RNF182: variants seen among roughly 807,000 people sequenced by gnomAD.
RNF182 encodes the protein ring finger protein 182.
Under a neutral mutation model 14.4 loss-of-function variants are expected in RNF182, and 15 were observed. The ratio of observed to expected loss-of-function variants is 1.04; its 90% CI spans 0.70 to 1.60. RNF182 has a LOEUF of 1.60. Ranked by LOEUF, RNF182 falls within the 40% of genes most tolerant of loss-of-function variation. RNF182 has a pLI of 0.00. For missense variants in RNF182, 268 were observed against 294.8 expected, an observed-to-expected ratio of 0.91 and a Z score of 0.67; for synonymous variants, 128 against 122.9, an observed-to-expected ratio of 1.04 and a Z score of -0.27.
chr6:13,941,597 G>A (rs1276861468), intron 1 of RNF182, among the ~76,000 whole-genome samples: 2 of 151,798 alleles, frequency 1.3e-5, no homozygotes, highest in Non-Finnish European at 2.9e-5. Context: ...TGTCCTATCT[G>A]TTCTTTGTTC....
intron 1 of RNF182, among the ~76,000 whole-genome samples, chr6:13,935,185 T>C (rs1759077126): frequency 6.6e-6 from 1 of 152,230 alleles, no homozygotes; most frequent in African/African-American, 2.4e-5. Context: ...TAGGAGCCAA[T>C]GTCAATAGTC....
chr6:13,965,783 G>A (rs1760008655), intron 1 of RNF182, among the ~76,000 whole-genome samples: 1 of 152,198 alleles, frequency 6.6e-6, no homozygotes, highest in South Asian at 2.1e-4. Context: ...CTTTAATTGG[G>A]TGCTGGGGCT....
chr6:13,973,101 G>A (rs1760235123), intron 1 of RNF182, among the ~76,000 whole-genome samples: 1 of 152,238 alleles, frequency 6.6e-6, no homozygotes, highest in East Asian at 1.9e-4. Context: ...TGACCTGGAT[G>A]TGAGACATGG....
chr6:13,950,782 C>T (rs1759570441), intron 1 of RNF182, among the ~76,000 whole-genome samples: 1 of 151,722 alleles, frequency 6.6e-6, no homozygotes, highest in African/African-American at 2.4e-5. Context: ...CAGGCATGAG[C>T]CACCACACCT....
In RNF182 at chr6:13,979,930, T is replaced by C. The variant is rs1217552859; in HGVS notation, c.*2067T>C. On this transcript the variant is annotated 3_prime_UTR_variant, in exon 3 of 3. Coordinates refer to ENST00000488300, the MANE Select transcript of RNF182 (RefSeq NM_152737.4). ...GAAAACTCTTCATGCTATTGAATGA[T>C]AAAAAGATAATGCTTTAATATTTTA... 1 of 166,940 alleles carries C rather than the reference T, an allele frequency of 6.0e-6. No individual in the cohort carries two copies. The highest frequency in any genetic ancestry group is 1.5e-5 in the Non-Finnish European group (1 of 68,092). 10.3% of individuals were successfully genotyped at this position (166,940 alleles called of 1,614,324 possible).
chr6:13,971,110 G>A lies in RNF182; in HGVS notation c.-366-3100G>A, dbSNP rs150126345. On this transcript the variant is annotated intron_variant, in intron 1 of 2. Transcript: ENST00000488300. Reference sequence around the variant, plus strand: ...CACTGTTTTTTCTTCCCTTCAAGGCGTCGGCTGTCCTGATGATATGATTTG... The same window carrying A: ...CACTGTTTTTTCTTCCCTTCAAGGCATCGGCTGTCCTGATGATATGATTTG... 3.4e-4 allele frequency among the ~76,000 whole-genome samples: 51 copies of A among 152,088 alleles called. 1 individual carries two copies. In the East Asian group the frequency reaches 7.4e-3, roughly 22 times the overall value.
chr6:13,945,036 G>C (rs1054141316), intron 1 of RNF182, among the ~76,000 whole-genome samples: 2 of 152,146 alleles, frequency 1.3e-5, no homozygotes, highest in Non-Finnish European at 1.5e-5. Flanking sequence ...CTAGAGATTT[G>C]CTTTCTTAGG....
At chr6:13,964,457 A>G (rs939302575) in intron 1 of RNF182, among the ~76,000 whole-genome samples, 1 of 152,148 alleles carries the variant, frequency 6.6e-6, no homozygotes, top group South Asian at 2.1e-4. Flanking sequence ...ATATTTGGGA[A>G]AAACTCCAGG....
intron 1 of RNF182, among the ~76,000 whole-genome samples, chr6:13,973,197 ATGGG>A (rs1396100306): frequency 6.6e-6 from 1 of 152,152 alleles, no homozygotes; most frequent in African/African-American, 2.4e-5. Context: ...CCCATTTGGA[ATGGG>A]TGTATTTATC....
At chr6:13,946,533 G>C (rs899649787) in intron 1 of RNF182, among the ~76,000 whole-genome samples, 1 of 152,108 alleles carries the variant, frequency 6.6e-6, no homozygotes, top group African/African-American at 2.4e-5. Context: ...CATTTCCTGG[G>C]TCTGTTATTT....
intron 1 of RNF182, among the ~76,000 whole-genome samples, chr6:13,959,329 G>C (rs1271344972): frequency 6.6e-6 from 1 of 152,242 alleles, no homozygotes; most frequent in Non-Finnish European, 1.5e-5. Flanking sequence ...GTTCAAGACA[G>C]GGTTGGAGGG....
chr6:13,927,577 A>G (rs1341954022), intron 1 of RNF182, among the ~76,000 whole-genome samples: 2 of 152,244 alleles, frequency 1.3e-5, no homozygotes, highest in African/African-American at 4.8e-5. Context: ...TATGAAGCAT[A>G]TCCAAAGACA....
intron 1 of RNF182, among the ~76,000 whole-genome samples, chr6:13,932,164 A>G (rs933357753): frequency 6.6e-6 from 1 of 152,242 alleles, no homozygotes; most frequent in Non-Finnish European, 1.5e-5. Context: ...TAAAGTGGAG[A>G]CAATAATATT....
chr6:13,968,147 A>G (rs1020142249), intron 1 of RNF182, among the ~76,000 whole-genome samples: 1 of 152,228 alleles, frequency 6.6e-6, no homozygotes, highest in Non-Finnish European at 1.5e-5. Flanking sequence ...ATAAATACAT[A>G]TATTAGTTGG....
intron 1 of RNF182, among the ~76,000 whole-genome samples, chr6:13,943,619 G>A (rs1158349131): frequency 6.6e-6 from 1 of 152,162 alleles, no homozygotes; most frequent in Non-Finnish European, 1.5e-5. Context: ...TTTGAGGAAG[G>A]TGACAATGTC....
At chr6:13,959,913 G>C (rs1759825112) in intron 1 of RNF182, among the ~76,000 whole-genome samples, 1 of 152,182 alleles carries the variant, frequency 6.6e-6, no homozygotes, top group Admixed American at 6.5e-5. Context: ...ATCATGTCAT[G>C]ATATTCAAAG....
chr6:13,946,037 A>G lies in RNF182; in HGVS notation c.-367+21014A>G, dbSNP rs201129155. 2.0e-5 allele frequency among the ~76,000 whole-genome samples: 3 copies of G among 152,060 alleles called. No homozygotes were observed. The East Asian group carries it at 5.8e-4, about 29-fold the overall frequency. On this transcript the variant is annotated intron_variant, in intron 1 of 2. Coordinates refer to ENST00000488300, the MANE Select transcript of RNF182 (RefSeq NM_152737.4). ...TGCTTATTTATATATAACAAAGGAA[A>G]AAGTCATGGGGAGATGTGCTTTACT...
chr6:13,973,815 G>A lies in RNF182; in HGVS notation c.-366-395G>A, dbSNP rs937546662. On this transcript the variant is annotated intron_variant, in intron 1 of 2. Transcript: ENST00000488300. ...AAACCTGACATGTAGTCTAATCACCGCCAGAGTTTTCATCATAGCTTTACC... is the reference window on the plus strand; with the variant it reads ...AAACCTGACATGTAGTCTAATCACCACCAGAGTTTTCATCATAGCTTTACC... Among the ~76,000 whole-genome samples the A allele has an allele frequency of 6.6e-5, 10 of 152,242 alleles. No homozygotes were observed. The South Asian group carries it at 1.0e-3, about 16-fold the overall frequency.
At chr6:13,967,955 G>A (rs1436546049) in intron 1 of RNF182, among the ~76,000 whole-genome samples, 1 of 152,066 alleles carries the variant, frequency 6.6e-6, no homozygotes, top group Non-Finnish European at 1.5e-5. Flanking sequence ...CAAGCTATGG[G>A]ATAGAGTGAA....
Sources: gnomAD v4.1 joint callset for allele counts (sites outside exome capture counted in the v4.1 genomes callset) on GRCh38, gnomAD v4.1.1 for gene constraint, MANE v1.5 for transcripts, NCBI Gene and HGNC (gene_info 2026-07-23, HGNC 2026-07-21) for gene names.